The following DSE variants were observed in gnomAD, a reference collection of about 807,000 sequenced individuals.
DSE encodes dermatan-sulfate epimerase.
Under a neutral mutation model 84.4 loss-of-function variants are expected in DSE, and 36 were observed. The ratio of observed to expected loss-of-function variants is 0.43; its 90% CI spans 0.33 to 0.56. The LOEUF (loss-of-function observed/expected upper bound fraction) is 0.56. DSE is among the 20% of genes least tolerant of loss of function. DSE has a pLI of 0.06. For synonymous variants in DSE, 410 were observed against 430.1 expected, an observed-to-expected ratio of 0.95 and a Z score of 0.58; for missense variants, 862 against 1,169.6, an observed-to-expected ratio of 0.74 and a Z score of 3.84.
At chr6:116,396,320 T>C (rs1305136405) in intron 1 of DSE, among the ~76,000 whole-genome samples, 1 of 152,146 alleles carries the variant, frequency 6.6e-6, no homozygotes, top group African/African-American at 2.4e-5. Flanking sequence ...ATCAACTCTT[T>C]GGGTGAATCA....
chr6:116,435,681 G>T lies in DSE; in HGVS notation c.1213G>T (p.Ala405Ser). The change falls in exon 6 of 6, where the codon GCA (alanine) becomes TCA (serine). Residue 405 changes from alanine (A) to serine (S), a missense_variant. Physicochemically the swap from Ala to Ser is moderately conservative, Grantham distance 99. Around this residue, in one of 4 missense-constraint regions of DSE, gnomAD observed 309 missense variants for 516.9 expected, o/e 0.60. Coordinates refer to ENST00000644252, the MANE Select transcript of DSE (RefSeq NM_013352.4). ...CTGGGGTGTCGTGACTTATGGAAGT[G>T]CACTACCTGCAGAAATCAATAGATC... ...EDWGVVTYGS[A>S]LPAEINRSFL... is the part of the protein sequence containing the mutation. 1 of 1,614,138 alleles carries T rather than the reference G, an allele frequency of 6.2e-7. No homozygotes were observed. Among genetic ancestry groups the T allele is most frequent in the African/African-American group, 1.3e-5 (1 of 75,032 alleles).
At chr6:116,263,923 C>T (rs1772516427) in intron 2 of DSE, among the ~76,000 whole-genome samples, 1 of 152,160 alleles carries the variant, frequency 6.6e-6, no homozygotes, top group Non-Finnish European at 1.5e-5. Context: ...AACATTGGCC[C>T]TCAATGTCTT....
upstream of DSE, chr6:116,370,911 C>A (rs963552535): frequency 5.8e-4 from 572 of 985,478 alleles, no homozygotes; most frequent in Non-Finnish European, 6.7e-4. Flanking sequence ...CCGCCCCTTT[C>A]GCCCACACCT....
intron 2 of DSE, among the ~76,000 whole-genome samples, chr6:116,296,441 A>G (rs1774670900): frequency 6.6e-6 from 1 of 152,192 alleles, no homozygotes; most frequent in African/African-American, 2.4e-5. Flanking sequence ...TTATATTTTG[A>G]TGCGAGGAGA....
intron 2 of DSE, among the ~76,000 whole-genome samples, chr6:116,421,232 T>C (rs1043481628): frequency 2.6e-5 from 4 of 152,004 alleles, no homozygotes; most frequent in Admixed American, 2.6e-4. Flanking sequence ...TTTAAACTTT[T>C]TGGACTTGGA....
At chr6:116,405,725 T>G (rs961962064) in intron 2 of DSE, among the ~76,000 whole-genome samples, 4 of 152,136 alleles carry the variant, frequency 2.6e-5, no homozygotes, top group African/African-American at 7.2e-5. Context: ...ATTAAGCAGG[T>G]TGTTGCCATC....
rs551604084 is a variant in DSE at position 116,332,436 on chromosome 6, T to C, written c.-53-66762T>C. On this transcript the variant is annotated intron_variant, in intron 2 of 3. Coordinates refer to the DSE transcript ENST00000430252. ...AAAAGGAGTTTGAAACTCAATTCTT[T>C]AAAATATGAAAAAAAAATTAAGAGA... Among the ~76,000 whole-genome samples the C allele has an allele frequency of 1.1e-4, 17 of 151,818 alleles. No individual in the cohort carries two copies. The South Asian group carries it at 2.5e-3, about 22-fold the overall frequency.
At chr6:116,349,279 A>G (rs950696264) in intron 2 of DSE, among the ~76,000 whole-genome samples, 1 of 152,152 alleles carries the variant, frequency 6.6e-6, no homozygotes, top group Admixed American at 6.5e-5. Flanking sequence ...CCATGCCAGT[A>G]TGGCTTAGTG....
chr6:116,280,252 G>T, intron 2 of DSE: 1 of 280,166 alleles, frequency 3.6e-6, no homozygotes, highest in Non-Finnish European at 7.0e-6. Flanking sequence ...ACTTTTTTGA[G>T]GCAGGAAGGT....
At position 116,377,410 on chromosome 6, in the gene DSE, C is replaced by T. The variant is rs369469240; in HGVS notation, c.-54+6289C>T. Among the ~76,000 whole-genome samples, 253 of 152,096 alleles carry T rather than the reference C, an allele frequency of 1.7e-3. 3 individuals are homozygous for T. Among genetic ancestry groups the T allele is most frequent in the African/African-American group, 5.4e-3 (222 of 41,494 alleles). On this transcript the variant is annotated intron_variant, in intron 1 of 5. Coordinates refer to ENST00000644252, the MANE Select transcript of DSE (RefSeq NM_013352.4). Reference sequence around the variant, plus strand: ...TATTGTTGCTGTCAAATGGCTGTTGCAAGAAAAATGATGTTTGTTAGCAGT... The same window carrying T: ...TATTGTTGCTGTCAAATGGCTGTTGTAAGAAAAATGATGTTTGTTAGCAGT...
In DSE at chr6:116,299,543, T is replaced by TACAC. The variant is rs1295720528; in HGVS notation, c.-54+40577_-54+40578insCACA. On this transcript the variant is annotated intron_variant, in intron 2 of 3. Transcript: ENST00000430252. ...ATATATATATATATATATATATATA[T>TACAC]ATATATATACACATACACACACACA... Among the ~76,000 whole-genome samples the TACAC allele has an allele frequency of 6.2e-4, 17 of 27,458 alleles. 1 individual carries two copies. The highest frequency in any genetic ancestry group is 8.4e-4 in the African/African-American group (4 of 4,746). The allele number at this position is 27,458 out of a possible 152,430, so 18.0% of individuals were successfully genotyped here. A position where few individuals can be genotyped will look rare whatever the true frequency, so the allele number is the denominator to read the frequency against.
rs765969508 is a variant in DSE at position 116,410,733 on chromosome 6, C to CAAAAAAAAAA, written c.416+11091_416+11100dup. ...TGGGCGACAGAGCGAGACTCTGTCT[C>CAAAAAAAAAA]AAAAAAAAAAAAAAAAAAAAAAAAA... On this transcript the variant is annotated intron_variant, in intron 2 of 5. Coordinates refer to ENST00000644252, the MANE Select transcript of DSE (RefSeq NM_013352.4). 1.1e-3 allele frequency among the ~76,000 whole-genome samples: 85 copies of CAAAAAAAAAA among 79,602 alleles called. 1 individual carries two copies. Among genetic ancestry groups the CAAAAAAAAAA allele is most frequent in the African/African-American group, 2.3e-3 (39 of 16,916 alleles). The allele number at this position is 79,602 out of a possible 152,430, so 52.2% of individuals were successfully genotyped here. A position where few individuals can be genotyped will look rare whatever the true frequency, so the allele number is the denominator to read the frequency against.
At chr6:116,356,709 T>C (rs1192922681) in intron 2 of DSE, among the ~76,000 whole-genome samples, 2 of 152,164 alleles carry the variant, frequency 1.3e-5, no homozygotes, top group Non-Finnish European at 2.9e-5. Flanking sequence ...GAGTTGTTGG[T>C]AGAGCCAGGG....
chr6:116,419,186 G>A (rs3777992), intron 2 of DSE, among the ~76,000 whole-genome samples: 97,346 of 152,082 alleles, frequency 0.64, 31,937 homozygotes, highest in Admixed American at 0.72. Context: ...CCTCTTGGCA[G>A]ATGTCTGCCA....
intron 2 of DSE, among the ~76,000 whole-genome samples, chr6:116,409,459 T>C (rs931450939): frequency 2.0e-5 from 3 of 152,112 alleles, no homozygotes; most frequent in Non-Finnish European, 4.4e-5. Context: ...TTGTATTTTT[T>C]TAGTAGAGAC....
Position 116,430,981 on chromosome 6 carries a change from C to T in DSE, c.698C>T (p.Thr233Ile). The T allele has an allele frequency of 6.2e-7, 1 of 1,613,906 alleles. No homozygotes were observed. The highest frequency in any genetic ancestry group is 1.3e-5 in the African/African-American group (1 of 75,032). ...TATCTTCAAGAAGCCTACTTATGGACCAAACAAGTTCTGACCATCATGGAG... is the reference window on the plus strand; with the variant it reads ...TATCTTCAAGAAGCCTACTTATGGATCAAACAAGTTCTGACCATCATGGAG... Reference protein sequence around the residue: ...QGYLQEAYLWTKQVLTIMEKS... With the variant: ...QGYLQEAYLWIKQVLTIMEKS... The change falls in exon 4 of 6, where the codon ACC becomes ATC. Residue 233 changes from threonine to isoleucine, a missense_variant. By Grantham distance (89) the Thr-to-Ile change is moderately conservative. Coordinates refer to ENST00000644252, the MANE Select transcript of DSE (RefSeq NM_013352.4).
At chr6:116,393,241 C>A (rs1293150239) in intron 1 of DSE, among the ~76,000 whole-genome samples, 1 of 152,138 alleles carries the variant, frequency 6.6e-6, no homozygotes, top group Non-Finnish European at 1.5e-5. Context: ...TGGGGCAAAA[C>A]CTCTAACAAA....
chr6:116,365,943 A>T (rs1202862199), upstream of DSE: 1 of 152,226 alleles, frequency 6.6e-6, no homozygotes, highest in Non-Finnish European at 1.5e-5. Context: ...ATTGCTTCAG[A>T]TCCTGCCTGA....
rs753423780 is a variant in DSE, at chr6:116,436,506, T to A, written c.2038T>A (p.Ser680Thr). 4 of 1,614,156 alleles carry A rather than the reference T, an allele frequency of 2.5e-6. No individual in the cohort carries two copies. The Admixed American group carries it at 5.0e-5, about 20-fold the overall frequency. The change falls in exon 6 of 6, where the codon TCT becomes ACT. Residue 680 changes from serine to threonine, a missense_variant. Physicochemically the swap from Ser to Thr is moderately conservative, Grantham distance 58. Around this residue, in one of 4 missense-constraint regions of DSE, gnomAD observed 315 missense variants for 348.1 expected, o/e 0.90. Coordinates refer to ENST00000644252, the MANE Select transcript of DSE (RefSeq NM_013352.4). ...TCAGAGCTTCACTGTCCACGGAGAC[T>A]CTCAGCAACTGGATGTGTTCATAGC... ...DVQSFTVHGD[S>T]QQLDVFIATS...
Sources: allele counts gnomAD v4.1 joint callset (sites outside exome capture counted in the v4.1 genomes callset), GRCh38; gene constraint gnomAD v4.1.1; regional missense constraint gnomAD v4.1.1; transcripts MANE v1.5; gene names NCBI Gene and HGNC (gene_info 2026-07-23, HGNC 2026-07-21).